The following METTL15 variants were observed in gnomAD, a reference collection of about 807,000 sequenced individuals.
The protein encoded by METTL15 is methyltransferase 15, mitochondrial 12S rRNA N4-cytidine, also known as 12S rRNA N(4)-cytidine methyltransferase METTL15.
A neutral mutation model predicts 38.3 loss-of-function variants in METTL15; 34 were observed. The observed-to-expected ratio is 0.89, with a 90% CI of 0.68 to 1.18. The LOEUF (loss-of-function observed/expected upper bound fraction) is 1.18, where lower values mean the gene tolerates loss of function less well. Among genes scored for constraint, METTL15 ranks in the 50% most tolerant of loss-of-function variants. The pLI, the probability that METTL15 is intolerant of heterozygous loss-of-function variation, is 0.00. For missense variants in METTL15, 438 were observed against 498.4 expected (o/e 0.88, Z 1.15); for synonymous variants, 162 against 170.9 (o/e 0.95, Z 0.41).
intron 5 of METTL15, among the ~76,000 whole-genome samples, chr11:28,394,020 A>G (rs1020779153): frequency 5.9e-5 from 9 of 152,102 alleles, no homozygotes; most frequent in Admixed American, 2.6e-4. Context: ...AAATGTATAC[A>G]GTCTGCTATA....
intron 3 of METTL15, among the ~76,000 whole-genome samples, chr11:28,150,225 A>G (rs900554303): frequency 6.6e-6 from 1 of 151,950 alleles, no homozygotes; most frequent in Admixed American, 6.6e-5. Context: ...TCAATTTATT[A>G]GTTATACTAC....
chr11:28,431,480 C>T (rs1369655184), intron 6 of METTL15, among the ~76,000 whole-genome samples: 1 of 80,172 alleles, frequency 1.2e-5, no homozygotes, highest in African/African-American at 4.2e-5. Context: ...GTGACCTTAC[C>T]CCCAACCCTG....
chr11:28,157,182 A>G (rs896461851), intron 3 of METTL15, among the ~76,000 whole-genome samples: 3 of 152,164 alleles, frequency 2.0e-5, no homozygotes, highest in African/African-American at 7.2e-5. Context: ...CCTACATCCA[A>G]CAAAGAGGCA....
chr11:28,368,163 A>AC (rs1378644992), intron 5 of METTL15, among the ~76,000 whole-genome samples: 9 of 150,684 alleles, frequency 6.0e-5, no homozygotes, highest in African/African-American at 2.2e-4. Flanking sequence ...AAAAAAAAAA[A>AC]CAAAGAAAAA....
intron 6 of METTL15, among the ~76,000 whole-genome samples, chr11:28,325,925 A>G (rs747562867): frequency 6.6e-6 from 1 of 152,224 alleles, no homozygotes; most frequent in Non-Finnish European, 1.5e-5. Flanking sequence ...GGGTAAGCAC[A>G]CCTCTTCTCA....
intron 6 of METTL15, among the ~76,000 whole-genome samples, chr11:28,443,300 G>T (rs780748001): frequency 3.3e-5 from 5 of 151,760 alleles, no homozygotes; most frequent in Non-Finnish European, 5.9e-5. Context: ...TCGTTATTCT[G>T]CTCACCCTCC....
At chr11:28,517,718 T>A (rs571929302) in intron 6 of METTL15, among the ~76,000 whole-genome samples, 1 of 152,290 alleles carries the variant, frequency 6.6e-6, no homozygotes, top group East Asian at 1.9e-4. Flanking sequence ...ACTTTGGCAA[T>A]AAATAAGGAA....
chr11:28,134,583 T>C (rs1156748379), intron 3 of METTL15: 1 of 398,550 alleles, frequency 2.5e-6, no homozygotes, highest in African/African-American at 2.1e-5. Flanking sequence ...AGACCTCTCT[T>C]AACTGCTTCC....
intron 3 of METTL15, among the ~76,000 whole-genome samples, chr11:28,141,025 G>A (rs1415492813): frequency 6.6e-6 from 1 of 152,204 alleles, no homozygotes; most frequent in African/African-American, 2.4e-5. Flanking sequence ...TGCCCAGAAA[G>A]TTAATATGCT....
At chr11:28,181,005 C>T (rs1017744381) in intron 3 of METTL15, among the ~76,000 whole-genome samples, 11 of 151,746 alleles carry the variant, frequency 7.2e-5, no homozygotes, top group East Asian at 3.9e-4. Context: ...ACAGTAGCCA[C>T]TGGGAGGTAA....
intron 4 of METTL15, among the ~76,000 whole-genome samples, chr11:28,241,840 A>G (rs896749877): frequency 1.3e-5 from 2 of 152,218 alleles, no homozygotes; most frequent in African/African-American, 4.8e-5. Flanking sequence ...TAGTAAGAAA[A>G]AGAGATGATG....
In METTL15 at chr11:28,211,144, T is replaced by C; in HGVS notation, c.353T>C (p.Leu118Ser). Residue 118 changes from leucine (L) to serine (S), a missense_variant, in exon 4 of 7, where the codon TTG becomes TCG. Leu to Ser is a moderately radical substitution (Grantham distance 145). Transcript: ENST00000407364. ...QKESDIVLYA[L>S]DRDPTAYALA... ...GAGTCAGATATTGTTCTCTATGCCT[T>C]GGACAGAGACCCAACAGCTTATGCA... 6.2e-7 allele frequency: 1 copy of C among 1,612,958 alleles called. No homozygotes were observed. The highest frequency in any genetic ancestry group is 8.5e-7 in the Non-Finnish European group (1 of 1,179,184).
intron 5 of METTL15, among the ~76,000 whole-genome samples, chr11:28,374,146 C>T (rs561057053): frequency 5.3e-5 from 8 of 152,178 alleles, no homozygotes; most frequent in East Asian, 1.9e-4. Flanking sequence ...CATGGCGATG[C>T]GGGCTCTTTT....
At position 28,221,068 on chromosome 11, in the gene METTL15, T is replaced by C. The variant is rs1853190345; in HGVS notation, c.407+9870T>C. 2.0e-5 allele frequency among the ~76,000 whole-genome samples: 3 copies of C among 152,288 alleles called. 1 individual carries two copies. In the East Asian group the frequency reaches 5.8e-4, roughly 29 times the overall value. ...AGTTGCTATTCTCGTGGAGTATCTT[T>C]GTGGTGTTCTCTGTGTTTCCTGCAT... On this transcript the variant is annotated intron_variant, in intron 4 of 6. Transcript: ENST00000407364.
At chr11:28,296,289 A>G (rs1433767000) in intron 5 of METTL15, among the ~76,000 whole-genome samples, 1 of 152,140 alleles carries the variant, frequency 6.6e-6, no homozygotes, top group African/African-American at 2.4e-5. Context: ...TTGTGTCTCC[A>G]CAAGTAATCA....
intron 6 of METTL15, among the ~76,000 whole-genome samples, chr11:28,305,149 T>C (rs770994543): frequency 5.3e-5 from 8 of 152,210 alleles, no homozygotes; most frequent in Non-Finnish European, 8.8e-5. Context: ...CTTATTTTAA[T>C]AAGTAATCCT....
intron 6 of METTL15, among the ~76,000 whole-genome samples, chr11:28,457,571 G>T (rs1171427858): frequency 6.6e-6 from 1 of 152,138 alleles, no homozygotes; most frequent in African/African-American, 2.4e-5. Context: ...TAGATGCTAC[G>T]TGACTTCATC....
chr11:28,423,886 G>T (rs1176867328), intron 5 of METTL15, among the ~76,000 whole-genome samples: 1 of 152,104 alleles, frequency 6.6e-6, no homozygotes, highest in East Asian at 1.9e-4. Flanking sequence ...AAAGATAAAT[G>T]TGTGAGGTGA....
intron 5 of METTL15, among the ~76,000 whole-genome samples, chr11:28,388,067 T>C (rs1850459882): frequency 6.6e-6 from 1 of 152,028 alleles, no homozygotes; most frequent in African/African-American, 2.4e-5. Context: ...ATAAATGCCA[T>C]ATATAAACAA....
Sources: gnomAD v4.1 joint callset for allele counts (sites outside exome capture counted in the v4.1 genomes callset) on GRCh38, gnomAD v4.1.1 for gene constraint, MANE v1.5 for transcripts, NCBI Gene and HGNC (gene_info 2026-07-23, HGNC 2026-07-21) for gene names.